Variants in PCSK1 observed in about 807,000 individuals in gnomAD.
PCSK1 encodes proprotein convertase subtilisin/kexin type 1, also known as neuroendocrine convertase 1.
PCSK1 carries 56 observed loss-of-function variants against 90.6 expected under a neutral mutation model. The observed-to-expected ratio is 0.62, with a 90% confidence interval of 0.50 to 0.77. PCSK1 has a LOEUF of 0.77. Ranked by LOEUF, PCSK1 falls within the 30% of genes least tolerant of loss-of-function variation. PCSK1 has a pLI of 0.00. For missense variants in PCSK1, 801 were observed against 932.6 expected, an observed-to-expected ratio of 0.86 and a Z score of 1.84; for synonymous variants, 348 against 342.4, an observed-to-expected ratio of 1.02 and a Z score of -0.18.
intron 12 of PCSK1, among the ~76,000 whole-genome samples, chr5:96,396,894 C>G (rs1251644297): frequency 6.6e-6 from 1 of 152,196 alleles, no homozygotes; most frequent in Non-Finnish European, 1.5e-5. Context: ...AGATATCTCT[C>G]CAAACATTAA....
At chr5:96,396,711 T>G (rs1466307893) in intron 12 of PCSK1, among the ~76,000 whole-genome samples, 1 of 152,208 alleles carries the variant, frequency 6.6e-6, no homozygotes, top group African/African-American at 2.4e-5. Context: ...AAATAAATAA[T>G]TAAGCTATAT....
At chr5:96,397,640 C>T (rs1207071209) in intron 11 of PCSK1, among the ~76,000 whole-genome samples, 171 bp from the exon 12 acceptor site, 1 of 152,116 alleles carries the variant, frequency 6.6e-6, no homozygotes, top group Non-Finnish European at 1.5e-5. Flanking sequence ...ATGTTTTTAT[C>T]TATAGTGCTT....
Position 96,396,475 on chromosome 5 carries a change from C to T in PCSK1, c.1722+861G>A, listed in dbSNP as rs764833706. ...AGTCGGGAGGCTGAGGCAGGAGAAGCGCTTGAACCCAGGAGGCAGAGGTTG... is the reference window on the plus strand; with the variant it reads ...AGTCGGGAGGCTGAGGCAGGAGAAGTGCTTGAACCCAGGAGGCAGAGGTTG... On this transcript the variant is annotated intron_variant, in intron 12 of 13. Coordinates refer to ENST00000311106, the MANE Select transcript of PCSK1 (RefSeq NM_000439.5). Among the ~76,000 whole-genome samples the T allele has an allele frequency of 1.1e-4, 17 of 151,370 alleles. No individual in the cohort carries two copies. In the South Asian group the frequency reaches 1.3e-3, roughly 11 times the overall value.
chr5:96,425,220 C>A (rs774833831), intron 3 of PCSK1, among the ~76,000 whole-genome samples: 8 of 152,166 alleles, frequency 5.3e-5, no homozygotes, highest in Non-Finnish European at 1.5e-5. Flanking sequence ...TACTACCATA[C>A]AGACGTAACA....
intron 6 of PCSK1, chr5:96,413,016 A>T (rs1407557682): frequency 1.1e-6 from 1 of 946,514 alleles, no homozygotes; most frequent in Non-Finnish European, 1.3e-6. Flanking sequence ...CCACACAAGG[A>T]CTCTGGACAG....
intron 1 of PCSK1, 81 bp from the exon 2 acceptor site, chr5:96,429,398 G>T (rs1761419795): frequency 3.9e-6 from 3 of 762,078 alleles, no homozygotes; most frequent in East Asian, 5.2e-5. Flanking sequence ...AGCTAACTTA[G>T]AGATAGGCAA....
chr5:96,432,311 G>C (rs965616676), intron 1 of PCSK1, among the ~76,000 whole-genome samples: 1 of 152,138 alleles, frequency 6.6e-6, no homozygotes, highest in African/African-American at 2.4e-5. Context: ...CCTCCTGGTC[G>C]CGAGTCCCAG....
chr5:96,395,163 A>T, intron 12 of PCSK1, 138 bp from the exon 13 acceptor site: 1 of 739,444 alleles, frequency 1.4e-6, no homozygotes, highest in Non-Finnish European at 2.3e-6. Context: ...AAACCATTGG[A>T]TCCACTCTTG....
At chr5:96,423,657 G>T (rs71528509) in intron 3 of PCSK1, among the ~76,000 whole-genome samples, 198 bp from the exon 4 acceptor site, 3 of 152,150 alleles carry the variant, frequency 2.0e-5, no homozygotes, top group South Asian at 2.1e-4. Flanking sequence ...CTCTTCTCCC[G>T]ATTGTCCCAA....
chr5:96,398,905 A>C lies in PCSK1; in HGVS notation c.1562T>G (p.Leu521Arg), dbSNP rs1274922461. 1 of 1,613,568 alleles carries C rather than the reference A, an allele frequency of 6.2e-7. No individual in the cohort carries two copies. Among genetic ancestry groups the C allele is most frequent in the Non-Finnish European group, 8.5e-7 (1 of 1,179,610 alleles). Reference sequence around the variant, plus strand: ...AGCAGCAGAAGTAAGTGTGACATGAAGGTCTCCTCTTCGGGAATATTCAAT... The same window carrying C: ...AGCAGCAGAAGTAAGTGTGACATGACGGTCTCCTCTTCGGGAATATTCAAT... ...ATIEYSRRGDLHVTLTSAAGT... is the reference protein window; with the variant it reads ...ATIEYSRRGDRHVTLTSAAGT... The change falls in exon 11 of 14, where the codon CTT becomes CGT. Residue 521 changes from leucine (L) to arginine (R), a missense_variant. Physicochemically the swap from Leu to Arg is moderately radical, Grantham distance 102 (BLOSUM62 -2). Transcript: ENST00000311106.
intron 9 of PCSK1, among the ~76,000 whole-genome samples, chr5:96,403,176 G>T (rs528097296): frequency 6.6e-6 from 1 of 152,180 alleles, no homozygotes; most frequent in East Asian, 1.9e-4. Context: ...TGCAGTTGCA[G>T]GTTATTTTGT....
chr5:96,412,362 G>T lies in PCSK1; in HGVS notation c.838C>A (p.Pro280Thr). ...PNDDGKTVEG[P>T]GRLAQKAFEY... ...AAAGCCTTCTGGGCTAGCCGGCCAG[G>T]CCCCTCCACAGTTTTCCCATCATCA... is the stretch of plus-strand genomic sequence containing the variant. The change falls in exon 7 of 14, where the codon CCT becomes ACT. Residue 280 changes from proline to threonine, a missense_variant. By Grantham distance (38) the Pro-to-Thr change is conservative. Transcript: ENST00000311106. 1 of 1,614,054 alleles carries T rather than the reference G, an allele frequency of 6.2e-7. No individual in the cohort carries two copies. The highest frequency in any genetic ancestry group is 8.5e-7 in the Non-Finnish European group (1 of 1,180,004).
chr5:96,405,776 A>G (rs113318), intron 9 of PCSK1, among the ~76,000 whole-genome samples: 44,370 of 152,040 alleles, frequency 0.29, 7,509 homozygotes, highest in Admixed American at 0.42. Flanking sequence ...CACTTTTACA[A>G]TTTCAGCTCT....
chr5:96,430,818 T>C (rs1024241235), intron 1 of PCSK1, among the ~76,000 whole-genome samples: 6 of 152,194 alleles, frequency 3.9e-5, no homozygotes, highest in African/African-American at 1.2e-4. Context: ...TAGATGGTTT[T>C]CCCCCACTAT....
Position 96,412,496 on chromosome 5 carries a change from A to G in PCSK1, c.710-6T>C, listed in dbSNP as rs1760788003. Reference sequence around the variant, plus strand: ...GCCATCCAGCATTCTTATGCCTGAGAAACAAAATAAACAAAGACACACAAA... The same window carrying G: ...GCCATCCAGCATTCTTATGCCTGAGGAACAAAATAAACAAAGACACACAAA... On this transcript the variant is annotated splice_region_variant and splice_polypyrimidine_tract_variant and intron_variant, in intron 6 of 13. Coordinates refer to ENST00000311106, the MANE Select transcript of PCSK1 (RefSeq NM_000439.5). 3.1e-6 allele frequency: 5 copies of G among 1,612,880 alleles called. No individual in the cohort carries two copies. The highest frequency in any genetic ancestry group is 4.2e-6 in the Non-Finnish European group (5 of 1,179,018).
At position 96,390,982 on chromosome 5, in the gene PCSK1, T is replaced by C. The variant is rs558370034; in HGVS notation, c.*2019A>G. The C allele has an allele frequency of 4.6e-5, 7 of 152,788 alleles. No homozygotes were observed. Among genetic ancestry groups the C allele is most frequent in the Admixed American group, 2.0e-4 (3 of 15,300 alleles). 9.5% of individuals were successfully genotyped at this position (152,788 alleles called of 1,614,324 possible). A position where few individuals can be genotyped will look rare whatever the true frequency, so the allele number is the denominator to read the frequency against. ...AAAGATTTATACATCTAGCACTAGA[T>C]TGGGAATGGAAAAGTAATGAGTTTT... On this transcript the variant is annotated 3_prime_UTR_variant, in exon 14 of 14. Coordinates refer to ENST00000311106, the MANE Select transcript of PCSK1 (RefSeq NM_000439.5).
At chr5:96,408,553 T>C (rs770025576) in intron 8 of PCSK1, among the ~76,000 whole-genome samples, 1 of 152,244 alleles carries the variant, frequency 6.6e-6, no homozygotes, top group Admixed American at 6.5e-5. Flanking sequence ...ATGCCTTTTC[T>C]GGGGATGAAG....
At chr5:96,393,778 G>T (rs1653422115) in intron 13 of PCSK1, among the ~76,000 whole-genome samples, 1 of 152,204 alleles carries the variant, frequency 6.6e-6, no homozygotes, top group Non-Finnish European at 1.5e-5. Context: ...GGCACCCACT[G>T]GTTGCGGTAG....
chr5:96,402,829 G>A (rs1760428805), intron 9 of PCSK1, among the ~76,000 whole-genome samples: 3 of 152,262 alleles, frequency 2.0e-5, no homozygotes, highest in South Asian at 4.1e-4. Context: ...GACTGACAGA[G>A]AGGCCTTGGA....
Sources: gnomAD v4.1 joint callset for allele counts (sites outside exome capture counted in the v4.1 genomes callset) on GRCh38, gnomAD v4.1.1 for gene constraint, MANE v1.5 for transcripts, NCBI Gene and HGNC (gene_info 2026-07-23, HGNC 2026-07-21) for gene names.